The following GRID2 variants were observed in gnomAD, a reference collection of about 807,000 sequenced individuals.
The protein encoded by GRID2 is glutamate receptor ionotropic, delta-2.
A neutral mutation model predicts 114.8 loss-of-function variants in GRID2; 33 were observed. The ratio of observed to expected loss-of-function variants is 0.29; its 90% CI spans 0.22 to 0.38. GRID2 has a LOEUF of 0.38. Ranked by LOEUF, GRID2 falls within the 10% of genes least tolerant of loss-of-function variation. The probability of loss-of-function intolerance (pLI) is 1.00; values close to 1 mark genes in which losing one functional copy is unlikely to be tolerated. For missense variants in GRID2, 1,184 were observed against 1,257.7 expected, an observed-to-expected ratio of 0.94 and a Z score of 0.89; for synonymous variants, 505 against 449.9, an observed-to-expected ratio of 1.12 and a Z score of -1.55.
intron 14 of GRID2, among the ~76,000 whole-genome samples, chr4:93,727,932 A>G (rs1372391892): frequency 6.6e-6 from 1 of 152,114 alleles, no homozygotes; most frequent in East Asian, 1.9e-4. Flanking sequence ...CTTTCAAAAA[A>G]CCAGCTTCTG....
intron 8 of GRID2, among the ~76,000 whole-genome samples, chr4:93,272,653 G>A (rs1471100671): frequency 6.6e-6 from 1 of 152,136 alleles, no homozygotes; most frequent in Non-Finnish European, 1.5e-5. Flanking sequence ...TGCCTGGCTG[G>A]TTTTGATTCT....
chr4:93,380,332 T>A (rs987305167), intron 8 of GRID2, among the ~76,000 whole-genome samples: 2 of 151,854 alleles, frequency 1.3e-5, no homozygotes, highest in Admixed American at 6.6e-5. Context: ...TGAAAGATTT[T>A]CCCCTAGAGC....
At chr4:93,251,160 C>T (rs1040696326) in intron 8 of GRID2, among the ~76,000 whole-genome samples, 20 of 151,972 alleles carry the variant, frequency 1.3e-4, no homozygotes, top group African/African-American at 4.8e-4. Context: ...TTTATTTTCT[C>T]CTTGTTAGTT....
chr4:93,427,916 T>A (rs1292527837), intron 10 of GRID2, among the ~76,000 whole-genome samples: 2 of 151,968 alleles, frequency 1.3e-5, no homozygotes, highest in African/African-American at 2.4e-5. Flanking sequence ...AGGAGAAATA[T>A]TTAAGGGTGA....
At chr4:92,913,126 T>C (rs1247708883) in intron 2 of GRID2, among the ~76,000 whole-genome samples, 1 of 151,842 alleles carries the variant, frequency 6.6e-6, no homozygotes, top group Non-Finnish European at 1.5e-5. Context: ...CTTTAAAATT[T>C]CTGTACTTCT....
chr4:92,853,523 ACC>A (rs1743972488), intron 2 of GRID2, among the ~76,000 whole-genome samples: 1 of 151,862 alleles, frequency 6.6e-6, no homozygotes, highest in Admixed American at 6.6e-5. Flanking sequence ...ATTTTATCTC[ACC>A]AGAATTTTGA....
At chr4:93,672,223 C>T (rs929697410) in intron 14 of GRID2, among the ~76,000 whole-genome samples, 12 of 152,312 alleles carry the variant, frequency 7.9e-5, no homozygotes, top group Admixed American at 6.5e-4. Flanking sequence ...ACTCCCCTGA[C>T]CCCATTTTCT....
chr4:93,499,308 T>C (rs753929945), intron 12 of GRID2, among the ~76,000 whole-genome samples: 2 of 151,848 alleles, frequency 1.3e-5, no homozygotes, highest in Non-Finnish European at 2.9e-5. Flanking sequence ...CCCAATAGAG[T>C]TTATCCACTG....
Position 93,761,740 on chromosome 4 carries a change from T to C in GRID2, c.2361-7470T>C, listed in dbSNP as rs188509470. Among the ~76,000 whole-genome samples the C allele has an allele frequency of 1.2e-4, 18 of 152,318 alleles. No homozygotes were observed. The East Asian group carries it at 3.3e-3, about 28-fold the overall frequency. Reference sequence around the variant, plus strand: ...CAATTTAAACAAAGGAAATAGCTCCTAATAGTTTCCCTTACACTATTTGAT... The same window carrying C: ...CAATTTAAACAAAGGAAATAGCTCCCAATAGTTTCCCTTACACTATTTGAT... On this transcript the variant is annotated intron_variant, in intron 14 of 15. Coordinates refer to ENST00000282020, the MANE Select transcript of GRID2 (RefSeq NM_001510.4).
chr4:92,940,535 A>T (rs1418205291), intron 2 of GRID2, among the ~76,000 whole-genome samples: 16 of 151,994 alleles, frequency 1.1e-4, no homozygotes, highest in Non-Finnish European at 2.2e-4. Context: ...TGACTTCCTC[A>T]TTTCCTAATT....
At chr4:93,345,044 A>G (rs1014559731) in intron 8 of GRID2, among the ~76,000 whole-genome samples, 5 of 149,464 alleles carry the variant, frequency 3.3e-5, no homozygotes, top group Admixed American at 6.7e-5. Context: ...TCTTCATTCA[A>G]TCATCTGTCA....
chr4:93,708,692 T>C (rs1728217299), intron 14 of GRID2, among the ~76,000 whole-genome samples: 1 of 152,024 alleles, frequency 6.6e-6, no homozygotes, highest in Non-Finnish European at 1.5e-5. Flanking sequence ...AGTAAGGACT[T>C]ACTACTGCCA....
At chr4:93,147,148 T>C (rs1736340768) in intron 4 of GRID2, among the ~76,000 whole-genome samples, 1 of 152,184 alleles carries the variant, frequency 6.6e-6, no homozygotes, top group African/African-American at 2.4e-5. Context: ...TGAATACCAA[T>C]CTTAGAATAA....
chr4:93,704,322 C>T (rs1362729371), intron 14 of GRID2, among the ~76,000 whole-genome samples: 2 of 152,080 alleles, frequency 1.3e-5, no homozygotes, highest in African/African-American at 2.4e-5. Context: ...TCATATCCTT[C>T]ACCCACTTTT....
chr4:93,566,277 G>T (rs1735410041), intron 13 of GRID2, among the ~76,000 whole-genome samples: 1 of 152,062 alleles, frequency 6.6e-6, no homozygotes, highest in Non-Finnish European at 1.5e-5. Flanking sequence ...GACTCAAAAG[G>T]TTACAAACTC....
intron 4 of GRID2, among the ~76,000 whole-genome samples, chr4:93,205,539 G>C (rs916423110): frequency 6.6e-6 from 1 of 152,074 alleles, no homozygotes; most frequent in Non-Finnish European, 1.5e-5. Flanking sequence ...TGCCACATTT[G>C]CTTAATCCAG....
At chr4:93,365,778 T>C (rs1281993785) in intron 8 of GRID2, among the ~76,000 whole-genome samples, 6 of 152,176 alleles carry the variant, frequency 3.9e-5, no homozygotes, top group Admixed American at 3.9e-4. Context: ...GGAAATATTG[T>C]TGCGGGAAGT....
intron 8 of GRID2, among the ~76,000 whole-genome samples, chr4:93,297,372 C>T (rs1754420469): frequency 6.6e-6 from 1 of 151,940 alleles, no homozygotes; most frequent in Admixed American, 6.6e-5. Context: ...TTTTAACTGG[C>T]ATATATATAT....
chr4:93,667,429 G>C (rs1724045425), intron 14 of GRID2, among the ~76,000 whole-genome samples: 1 of 150,640 alleles, frequency 6.6e-6, no homozygotes, highest in African/African-American at 2.4e-5. Flanking sequence ...CATGGCCTTA[G>C]TGATAACCAG....
Sources: allele counts gnomAD v4.1 joint callset (sites outside exome capture counted in the v4.1 genomes callset), GRCh38; gene constraint gnomAD v4.1.1; transcripts MANE v1.5; gene names NCBI Gene and HGNC (gene_info 2026-07-23, HGNC 2026-07-21).